HIVEP2: variants seen among roughly 807,000 people sequenced by gnomAD.
HIVEP2 encodes the protein transcription factor HIVEP2.
HIVEP2 carries 14 observed loss-of-function variants against 180.7 expected under a neutral mutation model. The observed-to-expected ratio is 0.08, with a 90% CI of 0.05 to 0.12. The LOEUF (loss-of-function observed/expected upper bound fraction) is 0.12. HIVEP2 is among the 10% of genes least tolerant of loss of function. HIVEP2 has a pLI of 1.00. For synonymous variants in HIVEP2, 1,184 were observed against 1,136.4 expected (o/e 1.04, Z -0.84); for missense variants, 2,579 against 3,008.5 (o/e 0.86, Z 3.34).
chr6:142,785,309 C>CAAAAAAAA lies in HIVEP2; in HGVS notation c.-527-1702_-527-1695dup, dbSNP rs57458259. 7.8e-4 allele frequency among the ~76,000 whole-genome samples: 51 copies of CAAAAAAAA among 65,388 alleles called. 2 individuals carry two copies. The highest frequency in any genetic ancestry group is 9.2e-4 in the African/African-American group (19 of 20,546). The allele number at this position is 65,388 out of a possible 152,430, so 42.9% of individuals were successfully genotyped here. A position where few individuals can be genotyped will look rare whatever the true frequency, so the allele number is the denominator to read the frequency against. On this transcript the variant is annotated intron_variant, in intron 2 of 9. Transcript: ENST00000367603. The stretch of plus-strand genomic sequence containing the variant: ...GGCTAAAGTAAAGCATGGCATTCCT[C>CAAAAAAAA]AAAAAAAAAAAAAAAAAAAAAAAAA...
chr6:142,760,678 TAAAC>T lies in HIVEP2; in HGVS notation c.5621-15_5621-12del, dbSNP rs886578957. On this transcript the variant is annotated splice_polypyrimidine_tract_variant and intron_variant, in intron 8 of 9. Transcript: ENST00000367603. The stretch of plus-strand genomic sequence containing the variant: ...AATCTTCCAAATTTTCTGAAACAAT[TAAAC>T]AAAGATAATGGAGATCAAGATCCAA... 1.3e-6 allele frequency: 2 copies of T among 1,566,278 alleles called. No individual in the cohort carries two copies. The highest frequency in any genetic ancestry group is 1.8e-5 in the Admixed American group (1 of 54,852).
intron 1 of HIVEP2, among the ~76,000 whole-genome samples, chr6:142,858,749 G>A (rs1271084894): frequency 2.6e-5 from 4 of 151,846 alleles, no homozygotes; most frequent in Admixed American, 2.0e-4. Context: ...CCACCGCTAC[G>A]CCTGGCTGAT....
rs189052759 is a variant in HIVEP2 at position 142,909,147 on chromosome 6, C to T, written c.-641+35952G>A. 1.4e-3 allele frequency among the ~76,000 whole-genome samples: 215 copies of T among 152,182 alleles called. 2 individuals are homozygous for T. The highest frequency in any genetic ancestry group is 6.8e-3 in the Middle Eastern group (2 of 292). On this transcript the variant is annotated intron_variant, in intron 1 of 9. Coordinates refer to ENST00000367603, the MANE Select transcript of HIVEP2 (RefSeq NM_006734.4). ...AACATGCATTTTCTTAATTAGAATG[C>T]ATGCTGAAATACCTATTTTAATAAA...
At chr6:142,895,803 C>T (rs961612134) in intron 1 of HIVEP2, among the ~76,000 whole-genome samples, 1 of 152,114 alleles carries the variant, frequency 6.6e-6, no homozygotes, top group African/African-American at 2.4e-5. Context: ...ACCAGGCCTC[C>T]AAAGATAATG....
Position 142,818,788 on chromosome 6 carries a change from AG to A in HIVEP2, c.-528+18146del, listed in dbSNP as rs1456318280. ...AAGAAAGAAAGAAAGAAAGAAAGAA[AG>A]AAAAAGAAAAGAAAAAGAAAAGAAA... On this transcript the variant is annotated intron_variant, in intron 2 of 9. Transcript: ENST00000367603. Among the ~76,000 whole-genome samples, 1,338 of 144,692 alleles carry A rather than the reference AG, an allele frequency of 9.2e-3. 48 individuals are homozygous for A. Among genetic ancestry groups the A allele is most frequent in the African/African-American group, 0.035 (1,265 of 36,100 alleles). The allele number at this position is 144,692 out of a possible 152,430, so 94.9% of individuals were successfully genotyped here.
At chr6:142,819,211 T>G (rs1582887698) in intron 2 of HIVEP2, among the ~76,000 whole-genome samples, 1 of 151,694 alleles carries the variant, frequency 6.6e-6, no homozygotes, top group Middle Eastern at 3.4e-3. Context: ...GGCAACAGAG[T>G]GAGACCCTGT....
intron 2 of HIVEP2, among the ~76,000 whole-genome samples, chr6:142,835,095 C>T (rs569122204): frequency 3.5e-4 from 54 of 152,320 alleles, no homozygotes; most frequent in Admixed American, 1.0e-3. Flanking sequence ...CCAGTGACTG[C>T]AATGACTATT....
chr6:142,775,648 A>G (rs148314327), intron 4 of HIVEP2, among the ~76,000 whole-genome samples: 1 of 152,292 alleles, frequency 6.6e-6, no homozygotes, highest in African/African-American at 2.4e-5. Flanking sequence ...CATCCTGGCC[A>G]AAATGGTGAA....
chr6:142,803,570 C>CACAA (rs1776470269), intron 2 of HIVEP2, among the ~76,000 whole-genome samples: 1 of 150,694 alleles, frequency 6.6e-6, no homozygotes, highest in African/African-American at 2.4e-5. Context: ...ATAGCATACA[C>CACAA]ACACACACAC....
At chr6:142,889,065 T>G (rs1013815949) in intron 1 of HIVEP2, among the ~76,000 whole-genome samples, 6 of 152,222 alleles carry the variant, frequency 3.9e-5, no homozygotes, top group African/African-American at 1.4e-4. Context: ...TTGAGCTCCT[T>G]AAGGTCAGAG....
chr6:142,759,012 GT>G (rs1182179318), intron 9 of HIVEP2, among the ~76,000 whole-genome samples: 2 of 152,094 alleles, frequency 1.3e-5, no homozygotes, highest in African/African-American at 4.8e-5. Context: ...AAAAAAAGGA[GT>G]TTTTGAGGCC....
At chr6:142,786,652 TTACTATTAA>T (rs1776005937) in intron 2 of HIVEP2, among the ~76,000 whole-genome samples, 2 of 152,238 alleles carry the variant, frequency 1.3e-5, no homozygotes, top group African/African-American at 4.8e-5. Context: ...TTATAGGTTA[TTACTATTAA>T]GCTAAGCAAG....
intron 1 of HIVEP2, among the ~76,000 whole-genome samples, chr6:142,913,147 T>C (rs1486012439): frequency 6.6e-6 from 1 of 152,220 alleles, no homozygotes; most frequent in African/African-American, 2.4e-5. Flanking sequence ...GGAACCGAAC[T>C]GCTTAGCTTA....
intron 2 of HIVEP2, among the ~76,000 whole-genome samples, chr6:142,804,809 TG>T (rs1776506336): frequency 2.2e-5 from 3 of 137,576 alleles, no homozygotes; most frequent in Non-Finnish European, 3.4e-5. Flanking sequence ...CCTAATAATG[TG>T]CTTGAGATTA....
chr6:142,896,887 G>A (rs940464324), intron 1 of HIVEP2, among the ~76,000 whole-genome samples: 10 of 152,088 alleles, frequency 6.6e-5, no homozygotes, highest in African/African-American at 2.2e-4. Context: ...ATGCAGAAAT[G>A]CTTTCTGGGT....
chr6:142,819,009 G>A lies in HIVEP2; in HGVS notation c.-528+17926C>T, dbSNP rs1393863996. ...GAAGAAAGGAAAGGAGGGAGGGAGGGAGGGAAAGAAGGGAGGCAGGGAAGA... is the reference window on the plus strand; with the variant it reads ...GAAGAAAGGAAAGGAGGGAGGGAGGAAGGGAAAGAAGGGAGGCAGGGAAGA... On this transcript the variant is annotated intron_variant, in intron 2 of 9. Transcript: ENST00000367603. Among the ~76,000 whole-genome samples the A allele has an allele frequency of 7.5e-5, 10 of 133,390 alleles. No individual in the cohort carries two copies. In the South Asian group the frequency reaches 2.9e-3, roughly 38 times the overall value. 87.5% of individuals were successfully genotyped at this position (133,390 alleles called of 152,430 possible).
At chr6:142,908,288 C>T (rs932603903) in intron 1 of HIVEP2, among the ~76,000 whole-genome samples, 1 of 152,186 alleles carries the variant, frequency 6.6e-6, no homozygotes, top group Non-Finnish European at 1.5e-5. Flanking sequence ...ATCTTCCAAC[C>T]CATCGCTGCT....
chr6:142,846,276 A>G (rs944467063), intron 1 of HIVEP2, among the ~76,000 whole-genome samples: 7 of 147,614 alleles, frequency 4.7e-5, no homozygotes, highest in Non-Finnish European at 7.5e-5. Context: ...TCCTTTGAAG[A>G]AAAAAAAAAA....
At chr6:142,888,041 T>C (rs1457430001) in intron 1 of HIVEP2, among the ~76,000 whole-genome samples, 2 of 151,906 alleles carry the variant, frequency 1.3e-5, no homozygotes, top group Non-Finnish European at 1.5e-5. Flanking sequence ...ACTAGTAAAA[T>C]ACCATGACAA....
Sources: allele counts gnomAD v4.1 joint callset (sites outside exome capture counted in the v4.1 genomes callset), GRCh38; gene constraint gnomAD v4.1.1; transcripts MANE v1.5; gene names NCBI Gene and HGNC (gene_info 2026-07-23, HGNC 2026-07-21).